Variants in RABGAP1L observed in about 807,000 individuals in gnomAD.
The protein encoded by RABGAP1L is rab GTPase-activating protein 1-like.
RABGAP1L carries 63 observed loss-of-function variants against 137.7 expected under a neutral mutation model. The ratio of observed to expected loss-of-function variants is 0.46; its 90% CI spans 0.37 to 0.56. The LOEUF is 0.56. Ranked by LOEUF, RABGAP1L falls within the 20% of genes least tolerant of loss-of-function variation. The probability of loss-of-function intolerance (pLI) is 0.00; values close to 1 mark genes in which losing one functional copy is unlikely to be tolerated. For synonymous variants in RABGAP1L, 431 were observed against 433.7 expected (o/e 0.99, Z 0.08); for missense variants, 1,095 against 1,244.0 (o/e 0.88, Z 1.80).
At chr1:174,804,131 T>C (rs934596634) in intron 18 of RABGAP1L, among the ~76,000 whole-genome samples, 4 of 152,120 alleles carry the variant, frequency 2.6e-5, no homozygotes, top group African/African-American at 9.7e-5. Context: ...TTGAAAATGG[T>C]ATCAGTGGTG....
At chr1:174,718,397 T>G (rs1681198291) in intron 17 of RABGAP1L, among the ~76,000 whole-genome samples, 1 of 152,198 alleles carries the variant, frequency 6.6e-6, no homozygotes, top group Non-Finnish European at 1.5e-5. Context: ...ACCTCACTTC[T>G]CTGCTTAGAG....
rs200755502 is a variant in RABGAP1L at position 174,219,113 on chromosome 1, T to C, written c.-33-12T>C. 2 of 1,531,768 alleles carry C rather than the reference T, an allele frequency of 1.3e-6. No homozygotes were observed. Among genetic ancestry groups the C allele is most frequent in the African/African-American group, 1.4e-5 (1 of 70,468 alleles). The allele number at this position is 1,531,768 out of a possible 1,614,324, so 94.9% of individuals were successfully genotyped here. On this transcript the variant is annotated splice_polypyrimidine_tract_variant and intron_variant, in intron 1 of 25. Coordinates refer to ENST00000681986, the MANE Select transcript of RABGAP1L (RefSeq NM_001366446.1). ...AGTAGGTTTTTTTTTTTAATCCCTT[T>C]TGTTTTTCCAGGTGGTTGTGGGAAG...
intron 21 of RABGAP1L, among the ~76,000 whole-genome samples, chr1:174,972,014 C>T (rs1020730989): frequency 2.0e-5 from 3 of 152,166 alleles, no homozygotes; most frequent in Non-Finnish European, 4.4e-5. Context: ...TCAGCTTTTC[C>T]CTCTGGCAGA....
chr1:174,717,519 G>A (rs1681120392), intron 17 of RABGAP1L, among the ~76,000 whole-genome samples: 1 of 152,118 alleles, frequency 6.6e-6, no homozygotes, highest in Non-Finnish European at 1.5e-5. Context: ...TAGAATCAAA[G>A]CACATTTTAT....
chr1:174,272,622 G>A (rs889189450), intron 8 of RABGAP1L, 142 bp downstream of exon 8: 13 of 1,128,620 alleles, frequency 1.2e-5, no homozygotes, highest in Admixed American at 4.1e-5. Context: ...ATTTGGAAAC[G>A]CAAACTTAAA....
At chr1:174,308,366 C>A (rs952520693) in intron 11 of RABGAP1L, among the ~76,000 whole-genome samples, 4 of 151,920 alleles carry the variant, frequency 2.6e-5, no homozygotes, top group African/African-American at 9.7e-5. Context: ...CTTTGTTTTG[C>A]AGATGTTTTT....
chr1:174,792,793 A>G (rs1166138657), intron 18 of RABGAP1L, among the ~76,000 whole-genome samples: 1 of 152,218 alleles, frequency 6.6e-6, no homozygotes, highest in Non-Finnish European at 1.5e-5. Flanking sequence ...CTAAATGTCC[A>G]GTAATAAGAT....
intron 14 of RABGAP1L, among the ~76,000 whole-genome samples, chr1:174,642,931 C>T (rs938154497): frequency 2.0e-4 from 30 of 151,780 alleles, no homozygotes; most frequent in African/African-American, 6.1e-4. Flanking sequence ...ATTACAGGCA[C>T]GCACCACCAC....
At chr1:174,487,084 A>G (rs1659744066) in intron 13 of RABGAP1L, among the ~76,000 whole-genome samples, 1 of 152,174 alleles carries the variant, frequency 6.6e-6, no homozygotes, top group Admixed American at 6.6e-5. Context: ...TGAGGAAAAG[A>G]AGGTGTATTC....
At chr1:174,709,328 G>A (rs1680298365) in intron 17 of RABGAP1L, among the ~76,000 whole-genome samples, 1 of 152,206 alleles carries the variant, frequency 6.6e-6, no homozygotes, top group African/African-American at 2.4e-5. Flanking sequence ...GCTCTGCTAA[G>A]GGACAGACAG....
intron 19 of RABGAP1L, among the ~76,000 whole-genome samples, chr1:174,942,715 T>C (rs1425352103): frequency 6.6e-6 from 1 of 152,206 alleles, no homozygotes; most frequent in East Asian, 1.9e-4. Flanking sequence ...TGTTTGCTGT[T>C]CCTGCAGTGA....
intron 19 of RABGAP1L, among the ~76,000 whole-genome samples, chr1:174,846,131 G>T (rs1208090300): frequency 6.6e-6 from 1 of 151,282 alleles, no homozygotes; most frequent in Non-Finnish European, 1.5e-5. Context: ...TTCTTTATTA[G>T]TCTTGCTAGC....
chr1:174,169,962 A>G (rs768764808), intron 1 of RABGAP1L, among the ~76,000 whole-genome samples: 51 of 152,304 alleles, frequency 3.3e-4, no homozygotes, highest in Non-Finnish European at 4.3e-4. Flanking sequence ...GGAATTACAG[A>G]TGTGAGCCAC....
chr1:174,418,006 TAATA>T (rs1225231464), intron 13 of RABGAP1L, among the ~76,000 whole-genome samples: 2 of 152,224 alleles, frequency 1.3e-5, no homozygotes, highest in Admixed American at 6.5e-5. Flanking sequence ...AAGTTTCCAT[TAATA>T]AATAGTACTT....
chr1:174,626,481 C>T (rs768835708), intron 13 of RABGAP1L, among the ~76,000 whole-genome samples: 10 of 152,248 alleles, frequency 6.6e-5, no homozygotes, highest in South Asian at 2.1e-4. Flanking sequence ...AGCTTCTTTC[C>T]CTGAAGAGAT....
chr1:174,411,563 T>G (rs1649932056), intron 13 of RABGAP1L, among the ~76,000 whole-genome samples: 4 of 152,090 alleles, frequency 2.6e-5, no homozygotes, highest in Non-Finnish European at 5.9e-5. Flanking sequence ...GATACACTGT[T>G]GAGTTTGGTT....
intron 13 of RABGAP1L, among the ~76,000 whole-genome samples, chr1:174,589,764 A>G (rs371991790): frequency 1.8e-4 from 28 of 152,274 alleles, no homozygotes; most frequent in African/African-American, 6.5e-4. Flanking sequence ...AAATGAGTTC[A>G]ATGTAGATGT....
intron 13 of RABGAP1L, among the ~76,000 whole-genome samples, chr1:174,507,633 A>G (rs1048582813): frequency 2.6e-5 from 4 of 152,188 alleles, no homozygotes; most frequent in Non-Finnish European, 4.4e-5. Context: ...AAATCAAACC[A>G]AAGAAAATTG....
chr1:174,238,377 G>T (rs1244502840), intron 4 of RABGAP1L, among the ~76,000 whole-genome samples: 1 of 152,002 alleles, frequency 6.6e-6, no homozygotes, highest in Non-Finnish European at 1.5e-5. Flanking sequence ...TTTCTGTTCT[G>T]TTTTTTCCCC....
Sources: gnomAD v4.1 joint callset for allele counts (sites outside exome capture counted in the v4.1 genomes callset) on GRCh38, gnomAD v4.1.1 for gene constraint, MANE v1.5 for transcripts, NCBI Gene and HGNC (gene_info 2026-07-23, HGNC 2026-07-21) for gene names.